The following A1CF variants were observed in gnomAD, a reference collection of about 807,000 sequenced individuals.
A1CF encodes APOBEC1 complementation factor.
A neutral mutation model predicts 68.9 loss-of-function variants in A1CF; 48 were observed. The ratio of observed to expected loss-of-function variants is 0.70; its 90% CI spans 0.55 to 0.89. The LOEUF (loss-of-function observed/expected upper bound fraction) is 0.89. Ranked by LOEUF, A1CF falls within the 40% of genes least tolerant of loss-of-function variation. The probability of loss-of-function intolerance (pLI) is 0.00; values close to 1 mark genes in which losing one functional copy is unlikely to be tolerated. For missense variants in A1CF, 653 were observed against 718.9 expected, an observed-to-expected ratio of 0.91 and a Z score of 1.05; for synonymous variants, 272 against 260.4, an observed-to-expected ratio of 1.04 and a Z score of -0.43.
At chr10:50,812,914 G>A (rs1838185891) in intron 10 of A1CF, among the ~76,000 whole-genome samples, 1 of 152,128 alleles carries the variant, frequency 6.6e-6, no homozygotes, top group South Asian at 2.1e-4. Context: ...AGAAACCTTA[G>A]ATAAGCTAAT....
At chr10:50,832,494 C>T (rs72787049) in intron 6 of A1CF, among the ~76,000 whole-genome samples, 17,152 of 152,080 alleles carry the variant, frequency 0.11, 1,046 homozygotes, top group African/African-American at 0.16. Flanking sequence ...CCTAGGACCA[C>T]GAAGAGCTGC....
intron 3 of A1CF, among the ~76,000 whole-genome samples, chr10:50,848,369 T>C (rs1381674231): frequency 6.6e-6 from 1 of 152,230 alleles, no homozygotes; most frequent in East Asian, 1.9e-4. Flanking sequence ...ATTCTCAATT[T>C]GGTGAACTTT....
At chr10:50,853,992 A>G (rs1840366218) in intron 3 of A1CF, among the ~76,000 whole-genome samples, 1 of 152,052 alleles carries the variant, frequency 6.6e-6, no homozygotes, top group South Asian at 2.1e-4. Context: ...AATTTCATGT[A>G]TATGTAGAAT....
chr10:50,806,857 C>A lies in A1CF; in HGVS notation c.1633G>T (p.Ala545Ser), dbSNP rs765738266. 6.2e-7 allele frequency: 1 copy of A among 1,612,340 alleles called. No homozygotes were observed. Among genetic ancestry groups the A allele is most frequent in the South Asian group, 1.1e-5 (1 of 90,766 alleles). Residue 545 changes from alanine (A) to serine (S), a missense_variant, in exon 13 of 13, where the codon GCA becomes TCA. Transcript: ENST00000373997. ...TTGAGCTGGGCTGCAGACACGGGTGCAGTTGCATTAGGGACAGCATATCCT... is the reference window on the plus strand; with the variant it reads ...TTGAGCTGGGCTGCAGACACGGGTGAAGTTGCATTAGGGACAGCATATCCT... The part of the protein sequence containing the change: ...FPGYAVPNAT[A>S]PVSAAQLKQA...
At chr10:50,863,945 A>G (rs1840861028) in intron 2 of A1CF, 88 bp downstream of exon 2, 1 of 152,220 alleles carries the variant, frequency 6.6e-6, no homozygotes, top group African/African-American at 2.4e-5. Flanking sequence ...TACACATTGT[A>G]TAGAGGTATC....
intron 3 of A1CF, among the ~76,000 whole-genome samples, chr10:50,852,950 C>T (rs188743816): frequency 7.4e-4 from 113 of 152,226 alleles, no homozygotes; most frequent in African/African-American, 2.2e-3. Context: ...AGAAGAGGAA[C>T]GGTATTCTAA....
rs561698361 is a variant in A1CF at position 50,832,090 on chromosome 10, T to G, written c.605-3795A>C. Among the ~76,000 whole-genome samples the G allele has an allele frequency of 6.6e-5, 10 of 152,316 alleles. No homozygotes were observed. In the South Asian group the frequency reaches 1.7e-3, roughly 25 times the overall value. On this transcript the variant is annotated intron_variant, in intron 6 of 12. Transcript: ENST00000373997. ...ATGTATTCACCCCAAATGAAATCATTATGTTAAAGAGATTCCTGCATTCCC... is the reference window on the plus strand; with the variant it reads ...ATGTATTCACCCCAAATGAAATCATGATGTTAAAGAGATTCCTGCATTCCC...
chr10:50,862,738 A>G (rs1447917108), intron 2 of A1CF, among the ~76,000 whole-genome samples: 2 of 152,266 alleles, frequency 1.3e-5, no homozygotes, highest in African/African-American at 4.8e-5. Flanking sequence ...AGTCTTTCAG[A>G]TAAAAATTAA....
At chr10:50,853,804 A>T (rs4245011) in intron 3 of A1CF, among the ~76,000 whole-genome samples, 135,938 of 146,824 alleles carry the variant, frequency 0.93, 63,140 homozygotes, top group East Asian at 1. Flanking sequence ...GCTTTTTTTT[A>T]AAAAAAATGC....
intron 6 of A1CF, among the ~76,000 whole-genome samples, chr10:50,830,304 A>G (rs1839176528): frequency 6.6e-6 from 1 of 152,102 alleles, no homozygotes; most frequent in Non-Finnish European, 1.5e-5. Flanking sequence ...GGCTTATTTC[A>G]CTTAATATAA....
intron 3 of A1CF, among the ~76,000 whole-genome samples, chr10:50,849,432 T>C (rs1840136584): frequency 6.6e-6 from 1 of 152,330 alleles, no homozygotes; most frequent in East Asian, 1.9e-4. Context: ...GAATGCCAGA[T>C]ATAATGTTCC....
intron 1 of A1CF, among the ~76,000 whole-genome samples, chr10:50,879,906 A>G (rs942227230): frequency 1.3e-5 from 2 of 152,156 alleles, no homozygotes; most frequent in Non-Finnish European, 2.9e-5. Context: ...AGGTCAGTCC[A>G]TGAGTCTGGG....
intron 3 of A1CF, chr10:50,850,856 T>C: frequency 1.3e-6 from 2 of 1,549,136 alleles, no homozygotes; most frequent in South Asian, 1.2e-5. Flanking sequence ...TTAATCCGTT[T>C]GGAGCTTTTA....
chr10:50,838,327 G>T (rs534101811), intron 5 of A1CF, among the ~76,000 whole-genome samples: 1 of 152,156 alleles, frequency 6.6e-6, no homozygotes, highest in South Asian at 2.1e-4. Flanking sequence ...TGCCAGGAGT[G>T]TGGTTCTCAA....
intron 7 of A1CF, among the ~76,000 whole-genome samples, chr10:50,827,485 C>T (rs12253029): frequency 2.0e-5 from 3 of 151,954 alleles, no homozygotes; most frequent in Admixed American, 2.0e-4. Flanking sequence ...AAACTCACCC[C>T]AAACCACTCA....
chr10:50,834,904 G>T (rs1057199224), intron 6 of A1CF, among the ~76,000 whole-genome samples: 1 of 152,084 alleles, frequency 6.6e-6, no homozygotes, highest in Non-Finnish European at 1.5e-5. Context: ...ACTTTTCAAT[G>T]GTACAGTTGT....
intron 1 of A1CF, among the ~76,000 whole-genome samples, chr10:50,884,172 G>T (rs1295066395): frequency 6.6e-6 from 1 of 152,076 alleles, no homozygotes; most frequent in Non-Finnish European, 1.5e-5. Context: ...AGGAAATGTT[G>T]ATATTTGAAA....
Position 50,803,538 on chromosome 10 carries a change from T to C in A1CF, c.*3191A>G, listed in dbSNP as rs1237001748. 1 of 152,222 alleles carries C rather than the reference T, an allele frequency of 6.6e-6. No individual in the cohort carries two copies. Among genetic ancestry groups the C allele is most frequent in the East Asian group, 1.9e-4 (1 of 5,198 alleles). The allele number at this position is 152,222 out of a possible 1,614,324, so 9.4% of individuals were successfully genotyped here. On this transcript the variant is annotated 3_prime_UTR_variant, in exon 13 of 13. Coordinates refer to ENST00000373997, the MANE Select transcript of A1CF (RefSeq NM_014576.4). ...AGTCATCTAGGAGAATTATATTTTG[T>C]TGCAGTTGAAGGTGCTGTTCTAGAT...
At chr10:50,879,579 A>G (rs1448790692) in intron 1 of A1CF, among the ~76,000 whole-genome samples, 1 of 152,180 alleles carries the variant, frequency 6.6e-6, no homozygotes, top group Non-Finnish European at 1.5e-5. Context: ...AAGCAAGCTT[A>G]GGCCTTCTTA....
Sources: allele counts gnomAD v4.1 joint callset (sites outside exome capture counted in the v4.1 genomes callset), GRCh38; gene constraint gnomAD v4.1.1; transcripts MANE v1.5; gene names NCBI Gene and HGNC (gene_info 2026-07-23, HGNC 2026-07-21).